The following MCPH1 variants were observed in gnomAD, a reference collection of about 807,000 sequenced individuals.
The protein encoded by MCPH1 is microcephalin.
MCPH1 carries 104 observed loss-of-function variants against 84.5 expected under a neutral mutation model. The ratio of observed to expected loss-of-function variants is 1.23; its 90% CI spans 1.05 to 1.45. The LOEUF is 1.45. Ranked by LOEUF, MCPH1 falls within the 40% of genes most tolerant of loss-of-function variation. The pLI is 0.00. For synonymous variants in MCPH1, 514 were observed against 366.8 expected (o/e 1.40, Z -4.58); for missense variants, 1,498 against 1,005.7 (o/e 1.49, Z -6.62).
At chr8:6,520,140 AG>A in intron 12 of MCPH1, 1 of 856,108 alleles carries the variant, frequency 1.2e-6, no homozygotes, top group Non-Finnish European at 1.7e-6. Flanking sequence ...CTTTCTAGAA[AG>A]TTTCCTTTCA....
At chr8:6,448,212 C>T (rs765824751) in intron 8 of MCPH1, among the ~76,000 whole-genome samples, 5 of 152,194 alleles carry the variant, frequency 3.3e-5, no homozygotes, top group Admixed American at 6.5e-5. Flanking sequence ...CCAACGAAGG[C>T]TTCCCTGAGA....
intron 8 of MCPH1, among the ~76,000 whole-genome samples, chr8:6,449,771 C>T (rs1472098586): frequency 6.6e-6 from 1 of 152,202 alleles, no homozygotes; most frequent in East Asian, 1.9e-4. Flanking sequence ...GTTTTAACCT[C>T]TGACAGCACA....
At chr8:6,562,758 G>T in intron 12 of MCPH1, 1 of 1,613,910 alleles carries the variant, frequency 6.2e-7, no homozygotes, top group Non-Finnish European at 8.5e-7. Flanking sequence ...TGGACACGTA[G>T]GGGCTGGAGG....
intron 9 of MCPH1, among the ~76,000 whole-genome samples, chr8:6,476,820 A>G (rs1271863265): frequency 1.3e-5 from 2 of 152,240 alleles, no homozygotes; most frequent in Non-Finnish European, 2.9e-5. Context: ...ACAAAAGTAT[A>G]TGAATAATGT....
intron 9 of MCPH1, among the ~76,000 whole-genome samples, chr8:6,470,846 C>A (rs1358814285): frequency 6.6e-6 from 1 of 152,224 alleles, no homozygotes; most frequent in Non-Finnish European, 1.5e-5. Context: ...AGTGTTGTCT[C>A]AAACTGAAGG....
chr8:6,457,746 G>C (rs999269086), intron 9 of MCPH1, among the ~76,000 whole-genome samples: 1 of 152,182 alleles, frequency 6.6e-6, no homozygotes, highest in Non-Finnish European at 1.5e-5. Flanking sequence ...CTTCTGTATT[G>C]CGTCTCGCCA....
chr8:6,566,062 CGGT>C (rs1826126547), intron 12 of MCPH1, among the ~76,000 whole-genome samples: 1 of 151,946 alleles, frequency 6.6e-6, no homozygotes, highest in Non-Finnish European at 1.5e-5. Context: ...AAAGGTAATG[CGGT>C]GCAAAGCAGC....
intron 11 of MCPH1, among the ~76,000 whole-genome samples, chr8:6,487,449 G>A (rs1442247757): frequency 1.3e-5 from 2 of 152,164 alleles, no homozygotes; most frequent in Non-Finnish European, 2.9e-5. Context: ...TATAACTCAT[G>A]GGAGAACCAG....
At chr8:6,475,664 A>G (rs1428078684) in intron 9 of MCPH1, among the ~76,000 whole-genome samples, 5 of 152,216 alleles carry the variant, frequency 3.3e-5, no homozygotes, top group African/African-American at 1.2e-4. Flanking sequence ...GAATGAATGA[A>G]GTGTCAGGCA....
At chr8:6,527,080 G>A (rs972691101) in intron 12 of MCPH1, among the ~76,000 whole-genome samples, 4 of 152,184 alleles carry the variant, frequency 2.6e-5, no homozygotes, top group Non-Finnish European at 5.9e-5. Context: ...AGTCCCCAAG[G>A]GCAAAGGATC....
chr8:6,583,852 G>GTTTTT (rs754820695), intron 12 of MCPH1, among the ~76,000 whole-genome samples: 43 of 129,614 alleles, frequency 3.3e-4, no homozygotes, highest in African/African-American at 1.2e-3. Context: ...TTCATTTCTT[G>GTTTTT]TTTTGTTTTT....
chr8:6,627,397 A>C (rs1161652807), intron 13 of MCPH1: 2 of 659,468 alleles, frequency 3.0e-6, no homozygotes, highest in Non-Finnish European at 3.8e-6. Flanking sequence ...TTTTATCCCC[A>C]CCCAGGTTTC....
intron 11 of MCPH1, among the ~76,000 whole-genome samples, chr8:6,489,661 C>CT (rs372971845): frequency 2.1e-4 from 32 of 152,162 alleles, no homozygotes; most frequent in African/African-American, 6.5e-4. Context: ...AGACATAATG[C>CT]TGCTGCTACA....
chr8:6,553,087 A>C (rs547865929), intron 12 of MCPH1, among the ~76,000 whole-genome samples: 5 of 152,106 alleles, frequency 3.3e-5, no homozygotes, highest in African/African-American at 4.8e-5. Context: ...CCAGATGTCA[A>C]CTGCGGGCTC....
At position 6,442,102 on chromosome 8, in the gene MCPH1, A is replaced by G. The variant is rs200071210; in HGVS notation, c.616A>G (p.Ser206Gly). 45 of 1,613,760 alleles carry G rather than the reference A, an allele frequency of 2.8e-5. No individual in the cohort carries two copies. In the African/African-American group the frequency reaches 3.9e-4, roughly 14 times the overall value. The stretch of plus-strand genomic sequence containing the variant: ...GATTCAGCAGTCTCATGATAATCCA[A>G]GTAACTCTCTGTGTGAAGCACCTTT... ...QMIQQSHDNP[S>G]NSLCEAPLNI... The change falls in exon 7 of 14, where the codon AGT becomes GGT. Residue 206 changes from serine (S) to glycine (G), a missense_variant. Physicochemically the swap from Ser to Gly is moderately conservative, Grantham distance 56. Transcript: ENST00000344683.
chr8:6,445,560 C>T lies in MCPH1; in HGVS notation c.1825+13C>T. On this transcript the variant is annotated intron_variant, in intron 8 of 13. Coordinates refer to ENST00000344683, the MANE Select transcript of MCPH1 (RefSeq NM_024596.5). The stretch of plus-strand genomic sequence containing the variant: ...GGATACAGTGGAAGTATGTGAATCT[C>T]CTTTTCCAAGTCACCTTCGCTAAAT... 2 of 1,562,876 alleles carry T rather than the reference C, an allele frequency of 1.3e-6. No individual in the cohort carries two copies. Among genetic ancestry groups the T allele is most frequent in the Non-Finnish European group, 8.6e-7 (1 of 1,158,436 alleles).
chr8:6,435,679 CA>C (rs1802537221), intron 4 of MCPH1, among the ~76,000 whole-genome samples: 2 of 152,168 alleles, frequency 1.3e-5, no homozygotes, highest in South Asian at 4.2e-4. Context: ...GGGGCCGTGG[CA>C]ATTAAACAGT....
chr8:6,637,175 A>G (rs1231224302), intron 13 of MCPH1, among the ~76,000 whole-genome samples: 1 of 152,262 alleles, frequency 6.6e-6, no homozygotes, highest in Non-Finnish European at 1.5e-5. Flanking sequence ...AGGTACAGCA[A>G]CTGACAGGAA....
intron 12 of MCPH1, among the ~76,000 whole-genome samples, chr8:6,516,070 C>T (rs1473388617): frequency 6.6e-6 from 1 of 152,274 alleles, no homozygotes; most frequent in African/African-American, 2.4e-5. Flanking sequence ...TCACCCAGCT[C>T]GTATTGCCTT....
Sources: gnomAD v4.1 joint callset for allele counts (sites outside exome capture counted in the v4.1 genomes callset) on GRCh38, gnomAD v4.1.1 for gene constraint, MANE v1.5 for transcripts, NCBI Gene and HGNC (gene_info 2026-07-23, HGNC 2026-07-21) for gene names.